PSD3: variants seen among roughly 807,000 people sequenced by gnomAD.
The protein encoded by PSD3 is pleckstrin and Sec7 domain containing 3, also known as PH and SEC7 domain-containing protein 3.
Under a neutral mutation model 105.5 loss-of-function variants are expected in PSD3, and 49 were observed. The ratio of observed to expected loss-of-function variants is 0.46; its 90% CI spans 0.37 to 0.59. The LOEUF is 0.59. Among genes scored for constraint, PSD3 ranks in the 20% least tolerant of loss-of-function variants. The pLI is 0.00. For synonymous variants in PSD3, 557 were observed against 457.8 expected, an observed-to-expected ratio of 1.22 and a Z score of -2.77; for missense variants, 1,561 against 1,263.8, an observed-to-expected ratio of 1.24 and a Z score of -3.57.
At chr8:18,828,855 T>G (rs935288563) in intron 4 of PSD3, among the ~76,000 whole-genome samples, 1 of 151,910 alleles carries the variant, frequency 6.6e-6, no homozygotes, top group Non-Finnish European at 1.5e-5. Flanking sequence ...TCCCAGCACT[T>G]TGGGAGGCTG....
intron 1 of PSD3, among the ~76,000 whole-genome samples, chr8:19,060,117 G>C (rs1390120445): frequency 2.6e-5 from 4 of 152,152 alleles, no homozygotes; most frequent in African/African-American, 7.2e-5. Flanking sequence ...TTTTTGCTGA[G>C]ATGCAGTTTC....
At chr8:18,753,681 T>A (rs1432302470) in intron 9 of PSD3, among the ~76,000 whole-genome samples, 2 of 152,144 alleles carry the variant, frequency 1.3e-5, no homozygotes, top group Non-Finnish European at 2.9e-5. Context: ...TATCCTACAT[T>A]AGCGCATTTT....
At chr8:18,768,729 C>T (rs1807241076) in intron 8 of PSD3, among the ~76,000 whole-genome samples, 1 of 152,196 alleles carries the variant, frequency 6.6e-6, no homozygotes, top group Non-Finnish European at 1.5e-5. Flanking sequence ...CCACCCTTCT[C>T]CTGTTTCACA....
intron 9 of PSD3, among the ~76,000 whole-genome samples, chr8:18,738,167 A>G (rs1804293354): frequency 6.6e-6 from 1 of 152,130 alleles, no homozygotes; most frequent in African/African-American, 2.4e-5. Context: ...CTACATCACA[A>G]ACTGTTACCA....
At chr8:18,917,734 C>T (rs1820717470) in intron 2 of PSD3, among the ~76,000 whole-genome samples, 1 of 152,034 alleles carries the variant, frequency 6.6e-6, no homozygotes, top group African/African-American at 2.4e-5. Flanking sequence ...CTCTCAGGAA[C>T]GTGGAGCTCA....
chr8:19,024,301 T>C (rs559765247), intron 1 of PSD3, among the ~76,000 whole-genome samples: 3 of 152,288 alleles, frequency 2.0e-5, no homozygotes, highest in African/African-American at 4.8e-5. Context: ...TGCATGTTTT[T>C]AGATTGTAAA....
chr8:18,571,235 C>T (rs1802118273), intron 14 of PSD3, among the ~76,000 whole-genome samples: 1 of 152,154 alleles, frequency 6.6e-6, no homozygotes, highest in South Asian at 2.1e-4. Flanking sequence ...CAAGGCCTTT[C>T]ATGATTTGGC....
At chr8:18,687,076 C>T (rs1290647295) in intron 9 of PSD3, among the ~76,000 whole-genome samples, 2 of 152,132 alleles carry the variant, frequency 1.3e-5, no homozygotes, top group African/African-American at 2.4e-5. Context: ...TGGTGAAGAG[C>T]CGGAGCTCAA....
rs1554569339 is a variant in PSD3 at position 19,013,549 on chromosome 8, G to T, written c.21+14C>A. 1 of 1,568,692 alleles carries T rather than the reference G, an allele frequency of 6.4e-7. No individual in the cohort carries two copies. Among genetic ancestry groups the T allele is most frequent in the Non-Finnish European group, 8.6e-7 (1 of 1,165,916 alleles). On this transcript the variant is annotated intron_variant, in intron 1 of 15. Transcript: ENST00000327040. ...GTGCGCACCCCGCGCCCGCGCCCCG[G>T]CCCCGGAGCTCACCGCTGCGCTCCT...
intron 4 of PSD3, among the ~76,000 whole-genome samples, chr8:18,807,068 T>TG (rs1811267307): frequency 6.6e-6 from 1 of 152,176 alleles, no homozygotes; most frequent in Non-Finnish European, 1.5e-5. Context: ...TTTTTAAAAA[T>TG]CTGAACCTAA....
At chr8:18,982,600 G>C (rs1825297353) in intron 1 of PSD3, among the ~76,000 whole-genome samples, 1 of 152,198 alleles carries the variant, frequency 6.6e-6, no homozygotes, top group Non-Finnish European at 1.5e-5. Context: ...AATGAATGCT[G>C]AGTTAACAGG....
At chr8:19,084,378 G>T (rs572010267) in exon 1 of PSD3, 1 of 456,116 alleles carries the variant, frequency 2.2e-6, no homozygotes, top group African/African-American at 2.0e-5. Flanking sequence ...AGTCCTTTCC[G>T]CTCCATCTGC....
intron 1 of PSD3, among the ~76,000 whole-genome samples, chr8:19,064,656 C>T (rs988950893): frequency 1.3e-5 from 2 of 152,062 alleles, no homozygotes; most frequent in African/African-American, 4.8e-5. Flanking sequence ...CAAGATTAAC[C>T]TTTCTGAATT....
chr8:18,545,901 A>G (rs184321394), intron 15 of PSD3, among the ~76,000 whole-genome samples: 42 of 152,314 alleles, frequency 2.8e-4, no homozygotes, highest in Non-Finnish European at 4.9e-4. Context: ...TGATTTGAGG[A>G]GCAGCTGAAG....
intron 1 of PSD3, among the ~76,000 whole-genome samples, chr8:18,944,147 T>C (rs548365427): frequency 6.6e-6 from 1 of 152,344 alleles, no homozygotes; most frequent in South Asian, 2.1e-4. Flanking sequence ...CTTATCTTCA[T>C]GTTTCATGAG....
intron 1 of PSD3, among the ~76,000 whole-genome samples, chr8:19,027,325 G>A (rs1193210914): frequency 6.6e-6 from 1 of 152,204 alleles, no homozygotes; most frequent in Non-Finnish European, 1.5e-5. Flanking sequence ...ACAGAGTGGA[G>A]CTTTTTGAGC....
chr8:18,751,461 CTG>C (rs1212408888), intron 9 of PSD3, among the ~76,000 whole-genome samples: 5 of 152,400 alleles, frequency 3.3e-5, no homozygotes, highest in Non-Finnish European at 7.3e-5. Flanking sequence ...GGGGTGAACA[CTG>C]GACACAGGCT....
At chr8:19,053,020 C>A (rs1409478577) in intron 1 of PSD3, among the ~76,000 whole-genome samples, 1 of 152,100 alleles carries the variant, frequency 6.6e-6, no homozygotes, top group Non-Finnish European at 1.5e-5. Context: ...GGAGCCAGGG[C>A]TTTGGCCACA....
chr8:18,792,346 T>C (rs542898653), intron 8 of PSD3, among the ~76,000 whole-genome samples: 1 of 152,220 alleles, frequency 6.6e-6, no homozygotes, highest in Admixed American at 6.5e-5. Context: ...ATAAAGAAAA[T>C]GTAGTACATA....
Sources: gnomAD v4.1 joint callset for allele counts (sites outside exome capture counted in the v4.1 genomes callset) on GRCh38, gnomAD v4.1.1 for gene constraint, MANE v1.5 for transcripts, NCBI Gene and HGNC (gene_info 2026-07-23, HGNC 2026-07-21) for gene names.